The following WT1 variants were observed in gnomAD, a reference collection of about 807,000 sequenced individuals.
WT1 encodes Wilms tumor protein.
In WT1, 8 loss-of-function variants were observed where a neutral mutation model predicts 60.8. The observed-to-expected ratio is 0.13, with a 90% confidence interval of 0.08 to 0.24. The LOEUF is 0.24. Ranked by LOEUF, WT1 falls within the 10% of genes least tolerant of loss-of-function variation. The pLI is 1.00. For missense variants in WT1, 568 were observed against 711.8 expected, an observed-to-expected ratio of 0.80 and a Z score of 2.30; for synonymous variants, 312 against 297.1, an observed-to-expected ratio of 1.05 and a Z score of -0.52.
intron 5 of WT1, among the ~76,000 whole-genome samples, chr11:32,404,137 G>T (rs992423158): frequency 6.6e-6 from 1 of 151,750 alleles, no homozygotes; most frequent in Non-Finnish European, 1.5e-5. Flanking sequence ...GGGCATGGTG[G>T]CACGTGCCTC....
In WT1 at chr11:32,435,102, C is replaced by T. The variant is rs752686863; in HGVS notation, c.259G>A (p.Ala87Thr). The T allele has an allele frequency of 7.2e-5, 109 of 1,506,046 alleles. 2 individuals are homozygous for T. In the South Asian group the frequency reaches 1.3e-3, roughly 18 times the overall value. The allele number at this position is 1,506,046 out of a possible 1,614,324, so 93.3% of individuals were successfully genotyped here. A position where few individuals can be genotyped will look rare whatever the true frequency, so the allele number is the denominator to read the frequency against. ...CCGCCGCCACCCAGGGAGGGGACGG[C>T]GGGCAGCAGCGCGTTCAGGTCCCGC... Residue 87 changes from alanine to threonine, a missense_variant, in exon 1 of 10, where the codon GCC becomes ACC. Coordinates refer to ENST00000452863, the MANE Select transcript of WT1 (RefSeq NM_024426.6).
chr11:32,401,685 G>C (rs1383464054), intron 5 of WT1, among the ~76,000 whole-genome samples: 2 of 151,956 alleles, frequency 1.3e-5, no homozygotes, highest in African/African-American at 4.8e-5. Flanking sequence ...GATTACAGGC[G>C]CACGTCACCA....
intron 1 of WT1, 57 bp downstream of exon 1, chr11:32,434,643 C>A: frequency 6.2e-7 from 1 of 1,610,744 alleles, no homozygotes; most frequent in Non-Finnish European, 8.5e-7. Context: ...TGTCCTAGAG[C>A]GGAGAGTCCC....
intron 5 of WT1, among the ~76,000 whole-genome samples, chr11:32,410,733 C>T (rs1852471056): frequency 6.6e-6 from 1 of 152,106 alleles, no homozygotes; most frequent in Admixed American, 6.5e-5. Flanking sequence ...GCCATCTAGG[C>T]ATACAGAACT....
chr11:32,419,049 C>T (rs1852771430), intron 3 of WT1, among the ~76,000 whole-genome samples: 1 of 152,176 alleles, frequency 6.6e-6, no homozygotes, highest in Non-Finnish European at 1.5e-5. Context: ...CAATATCCTA[C>T]ATATCAATGA....
intron 2 of WT1, 100 bp from the exon 3 acceptor site, chr11:32,428,158 G>T: frequency 1.8e-6 from 2 of 1,129,574 alleles, no homozygotes; most frequent in East Asian, 2.5e-5. Context: ...CCTGAGCCTG[G>T]GGCACTGGGG....
chr11:32,406,111 C>T (rs542436730), intron 5 of WT1, among the ~76,000 whole-genome samples: 1 of 152,136 alleles, frequency 6.6e-6, no homozygotes, highest in African/African-American at 2.4e-5. Flanking sequence ...CCACTTTAGC[C>T]TTCTTCAGCT....
chr11:32,423,846 G>A (rs1852932436), intron 3 of WT1, among the ~76,000 whole-genome samples: 1 of 152,210 alleles, frequency 6.6e-6, no homozygotes, highest in African/African-American at 2.4e-5. Flanking sequence ...ACATAAGCAT[G>A]TGCTCTTATG....
chr11:32,426,693 G>A (rs5030180), intron 3 of WT1, among the ~76,000 whole-genome samples: 37,760 of 151,090 alleles, frequency 0.25, 5,594 homozygotes, highest in African/African-American at 0.41. Flanking sequence ...GGAAAAAAAG[G>A]AAAAAAAAAG....
intron 5 of WT1, among the ~76,000 whole-genome samples, chr11:32,411,068 T>TACACACACAC (rs10525221): frequency 0.01 from 1,490 of 145,770 alleles, 20 homozygotes; most frequent in East Asian, 0.037. Context: ...CCCTCTCCAA[T>TACACACACAC]ACACACACAC....
At chr11:32,402,206 T>C (rs5030244) in intron 5 of WT1, among the ~76,000 whole-genome samples, 6,875 of 152,334 alleles carry the variant, frequency 0.045, 211 homozygotes, top group Non-Finnish European at 0.073. Context: ...ATCCTTCAAG[T>C]AATTTTTGAC....
At chr11:32,393,869 A>G in intron 7 of WT1, among the ~76,000 whole-genome samples, 1 of 152,136 alleles carries the variant, frequency 6.6e-6, no homozygotes, top group East Asian at 1.9e-4. Flanking sequence ...ATGGGTTGGA[A>G]AATCCTAAGG....
intron 5 of WT1, among the ~76,000 whole-genome samples, chr11:32,415,167 C>T (rs796197186): frequency 6.6e-5 from 10 of 152,350 alleles, no homozygotes; most frequent in African/African-American, 1.9e-4. Flanking sequence ...AAACAAGCCC[C>T]TGTATTACAG....
chr11:32,432,169 CG>C (rs1385005275), intron 1 of WT1, among the ~76,000 whole-genome samples: 6 of 152,196 alleles, frequency 3.9e-5, no homozygotes, highest in South Asian at 2.1e-4. Context: ...AAGTTTTGGG[CG>C]GTTGTGAGTG....
Position 32,427,994 on chromosome 11 carries a change from G to C in WT1, c.849C>G (p.Thr283=). 1 of 1,611,878 alleles carries C rather than the reference G, an allele frequency of 6.2e-7. No homozygotes were observed. Among genetic ancestry groups the C allele is most frequent in the Non-Finnish European group, 8.5e-7 (1 of 1,179,120 alleles). The change falls in exon 3 of 10, where the codon ACC becomes ACG. Residue 283 remains threonine, a synonymous_variant. Transcript: ENST00000452863. Reference sequence around the variant, plus strand: ...TCCTCAGCAGCAAAGCCTGGCTGCCGGTGCAGCTGTCGGTGGGGGTGTGGC... The same window carrying C: ...TCCTCAGCAGCAAAGCCTGGCTGCCCGTGCAGCTGTCGGTGGGGGTGTGGC...
At chr11:32,406,599 G>C (rs990683059) in intron 5 of WT1, among the ~76,000 whole-genome samples, 1 of 149,560 alleles carries the variant, frequency 6.7e-6, no homozygotes, top group Non-Finnish European at 1.5e-5. Flanking sequence ...ATGTGCAACA[G>C]AGCATGAAGT....
intron 1 of WT1, chr11:32,430,934 A>G (rs1853286379): frequency 1.0e-6 from 1 of 953,726 alleles, no homozygotes; most frequent in East Asian, 5.0e-5. Flanking sequence ...GGCAGGGGCC[A>G]GGGGAGGTAA....
At chr11:32,433,880 G>C (rs1052221426) in intron 1 of WT1, among the ~76,000 whole-genome samples, 1 of 152,210 alleles carries the variant, frequency 6.6e-6, no homozygotes, top group Non-Finnish European at 1.5e-5. Flanking sequence ...TGAGCCCCGC[G>C]TTTACAAGAT....
chr11:32,401,892 G>A (rs1852169489), intron 5 of WT1, among the ~76,000 whole-genome samples: 2 of 152,118 alleles, frequency 1.3e-5, no homozygotes, highest in African/African-American at 4.8e-5. Context: ...TGTCAGCACT[G>A]AGAATTCCAT....
Sources: allele counts gnomAD v4.1 joint callset (sites outside exome capture counted in the v4.1 genomes callset), GRCh38; gene constraint gnomAD v4.1.1; transcripts MANE v1.5; gene names NCBI Gene and HGNC (gene_info 2026-07-23, HGNC 2026-07-21).